The following HERC1 variants were observed in gnomAD, a reference collection of about 807,000 sequenced individuals.
The protein encoded by HERC1 is HECT and RLD domain containing E3 ubiquitin protein ligase family member 1.
In HERC1, 160 loss-of-function variants were observed where a neutral mutation model predicts 554.3. The ratio of observed to expected loss-of-function variants is 0.29; its 90% confidence interval spans 0.25 to 0.33. HERC1 has a LOEUF of 0.33. HERC1 is among the 10% of genes least tolerant of loss of function. The pLI, the probability that HERC1 is intolerant of heterozygous loss-of-function variation, is 1.00. For missense variants in HERC1, 4,919 were observed against 5,918.5 expected, an observed-to-expected ratio of 0.83 and a Z score of 5.54; for synonymous variants, 2,175 against 2,131.7, an observed-to-expected ratio of 1.02 and a Z score of -0.56.
rs554619796 is a variant in HERC1 at position 63,794,102 on chromosome 15, T to C, written c.-26-18453A>G. ...GGCACTGTCAGGAAGTCACCCTATA[T>C]GGTCTAAAAAGGGGAGGCATGAATA... On this transcript the variant is annotated intron_variant, in intron 1 of 77. Transcript: ENST00000443617. Among the ~76,000 whole-genome samples the C allele has an allele frequency of 3.3e-5, 5 of 152,232 alleles. No homozygotes were observed. The South Asian group carries it at 1.0e-3, about 32-fold the overall frequency.
At chr15:63,768,668 C>T (rs1327542050) in intron 2 of HERC1, among the ~76,000 whole-genome samples, 1 of 152,120 alleles carries the variant, frequency 6.6e-6, no homozygotes. Context: ...CCATCATGAT[C>T]CCTCTTTTAT....
intron 1 of HERC1, among the ~76,000 whole-genome samples, chr15:63,819,347 G>A (rs996995799): frequency 6.6e-6 from 1 of 152,104 alleles, no homozygotes; most frequent in South Asian, 2.1e-4. Flanking sequence ...TCTCACAGAG[G>A]TGTTATTCAC....
chr15:63,685,712 G>T (rs2071721056), intron 34 of HERC1, among the ~76,000 whole-genome samples: 1 of 152,154 alleles, frequency 6.6e-6, no homozygotes, highest in Non-Finnish European at 1.5e-5. Context: ...TATATACCAT[G>T]CCCAAGAGAT....
intron 70 of HERC1, among the ~76,000 whole-genome samples, chr15:63,627,972 A>G (rs546273115): frequency 2.6e-5 from 4 of 152,380 alleles, no homozygotes; most frequent in South Asian, 2.1e-4. Context: ...TGCTGTGCCA[A>G]TGCACAGACA....
rs749859765 is a variant in HERC1, at chr15:63,775,658, G to A, written c.-26-9C>T. 1 of 1,496,458 alleles carries A rather than the reference G, an allele frequency of 6.7e-7. No homozygotes were observed. The highest frequency in any genetic ancestry group is 1.4e-5 in the African/African-American group (1 of 71,350). The allele number at this position is 1,496,458 out of a possible 1,614,324, so 92.7% of individuals were successfully genotyped here. A position where few individuals can be genotyped will look rare whatever the true frequency, so the allele number is the denominator to read the frequency against. ...TCCTTCAGCCATTAGTCCTGCAAAG[G>A]GAGAAGAGAAAACAGTCAAAAACAT... is the stretch of plus-strand genomic sequence containing the variant. On this transcript the variant is annotated splice_polypyrimidine_tract_variant and intron_variant, in intron 1 of 77. Transcript: ENST00000443617. The surrounding 1 kb of genome is among the most constrained non-coding windows in gnomAD (Gnocchi z 4.0).
At chr15:63,805,492 G>T (rs745308769) in intron 1 of HERC1, among the ~76,000 whole-genome samples, 9 of 152,198 alleles carry the variant, frequency 5.9e-5, no homozygotes, top group Non-Finnish European at 1.3e-4. Flanking sequence ...AGGTGGAGAA[G>T]ATTACAGCCA....
chr15:63,708,235 C>T (rs551375532), intron 24 of HERC1, among the ~76,000 whole-genome samples: 1 of 152,088 alleles, frequency 6.6e-6, no homozygotes. Context: ...AGAAAACAAT[C>T]TCAGGCCTCA....
At position 63,718,583 on chromosome 15, in the gene HERC1, C is replaced by G; in HGVS notation, c.3969G>C (p.Arg1323=). 6.3e-7 allele frequency: 1 copy of G among 1,577,268 alleles called. No homozygotes were observed. Among genetic ancestry groups the G allele is most frequent in the East Asian group, 2.3e-5 (1 of 43,916 alleles). Residue 1323 remains arginine, a synonymous_variant, in exon 21 of 78, where the codon CGG becomes CGC. Coordinates refer to ENST00000443617, the MANE Select transcript of HERC1 (RefSeq NM_003922.4). This position sits in a 1 kb window ranked among gnomAD's most constrained non-coding sequence, Gnocchi z 4.2. ...LELIQTRSSS[R]DRWISENQDS... ...TGATTTCAAACTTTACCCATCTGTC[C>G]CGTGATGATGACCTTGTTTGAATAA...
chr15:63,637,761 C>T, intron 63 of HERC1, 118 bp from the exon 64 acceptor site: 2 of 817,234 alleles, frequency 2.4e-6, no homozygotes, highest in Non-Finnish European at 3.7e-6. Context: ...TATCCTTTTA[C>T]TGAAAGGGAA....
At chr15:63,645,715 GTAA>G in intron 55 of HERC1, 33 bp from the exon 56 acceptor site, 1 of 1,280,860 alleles carries the variant, frequency 7.8e-7, no homozygotes, top group Middle Eastern at 1.9e-4. Context: ...AAAAATCAGA[GTAA>G]TGTTTCCTTC....
In HERC1 at chr15:63,718,592, T is replaced by C. The variant is rs760166699; in HGVS notation, c.3960A>G (p.Ser1320=). The C allele has an allele frequency of 3.5e-5, 56 of 1,582,396 alleles. 1 individual carries two copies. In the South Asian group the frequency reaches 6.4e-4, roughly 18 times the overall value. Residue 1320 remains serine, a synonymous_variant, in exon 21 of 78, where the codon TCA becomes TCG. Coordinates refer to ENST00000443617, the MANE Select transcript of HERC1 (RefSeq NM_003922.4). The surrounding 1 kb of genome is among the most constrained non-coding windows in gnomAD (Gnocchi z 4.2). The part of the protein sequence containing the change: ...CKNLELIQTR[S]SSRDRWISEN... Reference sequence around the variant, plus strand: ...ACTTTACCCATCTGTCCCGTGATGATGACCTTGTTTGAATAAGTTCAAGGT... The same window carrying C: ...ACTTTACCCATCTGTCCCGTGATGACGACCTTGTTTGAATAAGTTCAAGGT...
chr15:63,723,140 G>T, intron 19 of HERC1, 42 bp downstream of exon 19: 1 of 1,265,476 alleles, frequency 7.9e-7, no homozygotes, highest in Non-Finnish European at 1.0e-6. Flanking sequence ...CGAGCATTAT[G>T]AGCTAACTAC....
Position 63,634,845 on chromosome 15 carries a change from C to T in HERC1, c.12458G>A (p.Gly4153Asp). 6.2e-7 allele frequency: 1 copy of T among 1,613,348 alleles called. No individual in the cohort carries two copies. ...FKHSAVVTSD[G>D]KLFTFGNGDY... ...ACCATTCCCAAAGGTGAACAGTTTG[C>T]CATCTGAAGTGACCACTGCTGAGTG... Residue 4153 changes from glycine (G) to aspartate (D), a missense_variant, in exon 66 of 78, where the codon GGC becomes GAC. Gly to Asp is a moderately conservative substitution (Grantham distance 94, BLOSUM62 -1). This residue lies in a region of HERC1 where 410 missense variants were observed against 467.0 expected (regional missense o/e 0.88). Coordinates refer to ENST00000443617, the MANE Select transcript of HERC1 (RefSeq NM_003922.4).
intron 2 of HERC1, among the ~76,000 whole-genome samples, chr15:63,771,642 G>C (rs997033372): frequency 9.9e-5 from 15 of 151,996 alleles, no homozygotes; most frequent in African/African-American, 3.4e-4. Flanking sequence ...ATGTTGGCCA[G>C]GCTTGTCTCA....
intron 25 of HERC1, among the ~76,000 whole-genome samples, chr15:63,704,568 A>G (rs933313165): frequency 1.3e-5 from 2 of 152,176 alleles, no homozygotes; most frequent in East Asian, 3.8e-4. Flanking sequence ...TTTAGCAATT[A>G]TATTCACCTG....
chr15:63,643,469 T>G lies in HERC1; in HGVS notation c.11266A>C (p.Ser3756Arg), dbSNP rs1566966231. ...GACACCAGGGCCAACCCATCAGAAC[T>G]AAAGGCAACAGTCCGAACAGGAGTG... is the stretch of plus-strand genomic sequence containing the variant. ...HITPVRTVAF[S>R]SDGLALVSGG... Residue 3756 changes from serine to arginine, a missense_variant, in exon 58 of 78, where the codon AGT becomes CGT. Physicochemically the swap from Ser to Arg is moderately radical, Grantham distance 110. Coordinates refer to ENST00000443617, the MANE Select transcript of HERC1 (RefSeq NM_003922.4). 1.2e-6 allele frequency: 2 copies of G among 1,613,152 alleles called. No individual in the cohort carries two copies. The highest frequency in any genetic ancestry group is 8.5e-7 in the Non-Finnish European group (1 of 1,179,486).
intron 26 of HERC1, among the ~76,000 whole-genome samples, chr15:63,698,328 G>C (rs2072540064): frequency 6.7e-6 from 1 of 148,406 alleles, no homozygotes; most frequent in East Asian, 2.0e-4. Context: ...TGAGGCAGGA[G>C]AATCACTTGA....
intron 61 of HERC1, 139 bp from the exon 62 acceptor site, chr15:63,638,915 T>A (rs2068906739): frequency 7.2e-6 from 5 of 690,466 alleles, no homozygotes; most frequent in Non-Finnish European, 1.3e-5. Flanking sequence ...AAGAGCAGTT[T>A]TATAATTATG....
chr15:63,789,462 A>G (rs964261412), intron 1 of HERC1, among the ~76,000 whole-genome samples: 3 of 152,066 alleles, frequency 2.0e-5, no homozygotes, highest in Admixed American at 6.6e-5. Flanking sequence ...CTCTAGAGTC[A>G]AGTAGAATAT....
Sources: allele counts gnomAD v4.1 joint callset (sites outside exome capture counted in the v4.1 genomes callset), GRCh38; gene constraint gnomAD v4.1.1; regional missense constraint gnomAD v4.1.1; non-coding constraint Gnocchi (gnomAD v3.1); transcripts MANE v1.5; gene names NCBI Gene and HGNC (gene_info 2026-07-23, HGNC 2026-07-21).